Variants in F10 observed in about 807,000 individuals in gnomAD.
F10 encodes coagulation factor X.
F10 carries 29 observed loss-of-function variants against 37.1 expected under a neutral mutation model. That is an observed-to-expected ratio of 0.78 (90% CI 0.58 to 1.07). The LOEUF is 1.07. F10 is among the 50% of genes least tolerant of loss of function. The pLI is 0.00. For synonymous variants in F10, 262 were observed against 268.6 expected, an observed-to-expected ratio of 0.98 and a Z score of 0.24; for missense variants, 539 against 667.9, an observed-to-expected ratio of 0.81 and a Z score of 2.13.
intron 1 of F10, among the ~76,000 whole-genome samples, chr13:113,127,815 CATAACAAAGAGCA>C (rs2036384708): frequency 6.6e-6 from 1 of 152,168 alleles, no homozygotes; most frequent in South Asian, 2.1e-4. Context: ...CCAATCCCCA[CATAACAAAGAGCA>C]GAGACCTTAA....
At position 113,143,941 on chromosome 13, in the gene F10, T is replaced by A. The variant is rs1277723074; in HGVS notation, c.593T>A (p.Ile198Asn). The change falls in exon 6 of 8, where the codon ATC (isoleucine) becomes AAC (asparagine). Residue 198 changes from isoleucine to asparagine, a missense_variant. By Grantham distance (149) the Ile-to-Asn change is moderately radical (BLOSUM62 -3). Transcript: ENST00000375559. The surrounding 1 kb of genome is among the most constrained non-coding windows in gnomAD (Gnocchi z 6.8). ...AGCAGCGGGGAGGCCCCTGACAGCA[T>A]CACATGGAAGCCATATGATGCAGCC... ...TSSSGEAPDS[I>N]TWKPYDAADL... is the part of the protein sequence containing the mutation. The A allele has an allele frequency of 1.9e-6, 3 of 1,613,020 alleles. No homozygotes were observed. The highest frequency in any genetic ancestry group is 1.3e-5 in the African/African-American group (1 of 74,752).
chr13:113,137,234 A>C (rs899848941), intron 2 of F10, among the ~76,000 whole-genome samples: 7 of 152,244 alleles, frequency 4.6e-5, no homozygotes, highest in African/African-American at 1.7e-4. Flanking sequence ...ATTGAATGAA[A>C]AGCTAGTTTC....
chr13:113,140,221 C>T (rs950123198), intron 4 of F10, among the ~76,000 whole-genome samples: 8 of 152,014 alleles, frequency 5.3e-5, no homozygotes, highest in Admixed American at 1.3e-4. Context: ...CTATAGGCCC[C>T]GGCCACCAGT....
intron 1 of F10, among the ~76,000 whole-genome samples, chr13:113,124,466 G>C (rs1198451245): frequency 6.6e-6 from 1 of 152,216 alleles, no homozygotes; most frequent in East Asian, 1.9e-4. Flanking sequence ...GGGCCGGCCT[G>C]GACCCTGGGT....
intron 1 of F10, among the ~76,000 whole-genome samples, chr13:113,124,493 G>A (rs563815118): frequency 2.6e-5 from 4 of 152,332 alleles, no homozygotes; most frequent in Admixed American, 6.5e-5. Flanking sequence ...GGCCAGCCCC[G>A]GAGAGCCAGG....
intron 2 of F10, among the ~76,000 whole-genome samples, chr13:113,133,814 A>G (rs1440455086): frequency 6.6e-6 from 1 of 152,240 alleles, no homozygotes; most frequent in Non-Finnish European, 1.5e-5. Flanking sequence ...TATTTTTAAA[A>G]GAGTAATAAT....
At position 113,129,566 on chromosome 13, in the gene F10, G is replaced by C. The variant is rs746726549; in HGVS notation, c.185G>C (p.Cys62Ser). ...GAAAGAGAGTGCATGGAAGAGACCTGCTCATACGAAGAGGCCCGCGAGGTC... is the reference window on the plus strand; with the variant it reads ...GAAAGAGAGTGCATGGAAGAGACCTCCTCATACGAAGAGGCCCGCGAGGTC... ...HLERECMEET[C>S]SYEEAREVFE... The change falls in exon 2 of 8, where the codon TGC (cysteine) becomes TCC (serine). Residue 62 changes from cysteine (C) to serine (S), a missense_variant. Cys to Ser is a moderately radical substitution (Grantham distance 112, BLOSUM62 -1). Around this residue, in one of 2 missense-constraint regions of F10, gnomAD observed 130 missense variants for 120.0 expected, o/e 1.08. Coordinates refer to ENST00000375559, the MANE Select transcript of F10 (RefSeq NM_000504.4). The C allele has an allele frequency of 2.5e-6, 4 of 1,614,240 alleles. No homozygotes were observed. The highest frequency in any genetic ancestry group is 1.7e-5 in the Admixed American group (1 of 60,032).
rs200826349 is a variant in F10 at position 113,149,458 on chromosome 13, G to A, written c.1408G>A (p.Gly470Ser). Reference protein sequence around the residue: ...KWIDRSMKTRGLPKAKSHAPE... With the variant: ...KWIDRSMKTRSLPKAKSHAPE... ...GATCGACAGGTCCATGAAAACCAGG[G>A]GCTTGCCCAAGGCCAAGAGCCATGC... is the stretch of plus-strand genomic sequence containing the variant. Residue 470 changes from glycine (G) to serine (S), a missense_variant, in exon 8 of 8, where the codon GGC becomes AGC. Gly to Ser is a moderately conservative substitution (Grantham distance 56, BLOSUM62 0). This residue lies in a region of F10 where 409 missense variants were observed against 547.9 expected (regional missense o/e 0.75). Coordinates refer to ENST00000375559, the MANE Select transcript of F10 (RefSeq NM_000504.4). This position sits in a 1 kb window ranked among gnomAD's most constrained non-coding sequence, Gnocchi z 7.5. 102 of 1,613,274 alleles carry A rather than the reference G, an allele frequency of 6.3e-5. No homozygotes were observed. Among genetic ancestry groups the A allele is most frequent in the Non-Finnish European group, 8.6e-5 (101 of 1,180,022 alleles).
chr13:113,133,257 AAT>A (rs2036449877), intron 2 of F10, among the ~76,000 whole-genome samples: 2 of 152,146 alleles, frequency 1.3e-5, no homozygotes, highest in South Asian at 4.1e-4. Flanking sequence ...AAACAAAAAT[AAT>A]AGACAAAATT....
At chr13:113,123,475 C>G (rs529492042) in intron 1 of F10, among the ~76,000 whole-genome samples, 1 of 152,172 alleles carries the variant, frequency 6.6e-6, no homozygotes, top group Non-Finnish European at 1.5e-5. Flanking sequence ...CCAGGACCCC[C>G]GGGTCTGTCC....
At chr13:113,128,312 A>G (rs946164138) in intron 1 of F10, 3 of 152,250 alleles carry the variant, frequency 2.0e-5, no homozygotes, top group Non-Finnish European at 4.4e-5. Context: ...ATCAATAAGC[A>G]TAAGTTGTAC....
At chr13:113,140,250 T>C (rs1313334767) in intron 4 of F10, among the ~76,000 whole-genome samples, 1 of 151,962 alleles carries the variant, frequency 6.6e-6, no homozygotes, top group East Asian at 1.9e-4. Flanking sequence ...ATTTTTTTTT[T>C]TTTTAATTTT....
chr13:113,148,800 A>C (rs1439913429), intron 7 of F10, 116 bp from the exon 8 acceptor site: 156 of 1,497,008 alleles, frequency 1.0e-4, no homozygotes, highest in Non-Finnish European at 1.4e-4. Context: ...AATTTTCAAA[A>C]GTGATCACGT....
rs1391145233 is a variant in F10, at chr13:113,149,160, G to A, written c.1110G>A (p.Lys370=). 1.9e-6 allele frequency: 3 copies of A among 1,612,924 alleles called. No homozygotes were observed. Among genetic ancestry groups the A allele is most frequent in the African/African-American group, 1.3e-5 (1 of 74,932 alleles). ...IVSGFGRTHE[K]GRQSTRLKML... is the part of the protein sequence containing the mutation. Reference sequence around the variant, plus strand: ...GCGGCTTCGGGCGCACCCACGAGAAGGGCCGGCAGTCCACCAGGCTCAAGA... The same window carrying A: ...GCGGCTTCGGGCGCACCCACGAGAAAGGCCGGCAGTCCACCAGGCTCAAGA... Residue 370 remains lysine (K), a synonymous_variant, in exon 8 of 8, where the codon AAG becomes AAA. Transcript: ENST00000375559. This position sits in a 1 kb window ranked among gnomAD's most constrained non-coding sequence, Gnocchi z 7.5.
chr13:113,143,923 G>A lies in F10; in HGVS notation c.575G>A (p.Gly192Glu). The change falls in exon 6 of 8, where the codon GGG becomes GAG. Residue 192 changes from glycine to glutamate, a missense_variant. By Grantham distance (98) the Gly-to-Glu change is moderately conservative. Around this residue, in one of 2 missense-constraint regions of F10, gnomAD observed 409 missense variants for 547.9 expected, o/e 0.75. Coordinates refer to ENST00000375559, the MANE Select transcript of F10 (RefSeq NM_000504.4). This position sits in a 1 kb window ranked among gnomAD's most constrained non-coding sequence, Gnocchi z 6.8. ...RSVAQATSSS[G>E]EAPDSITWKP... ...GTGGCCCAGGCCACCAGCAGCAGCG[G>A]GGAGGCCCCTGACAGCATCACATGG... 6.2e-7 allele frequency: 1 copy of A among 1,613,466 alleles called. No homozygotes were observed. Among genetic ancestry groups the A allele is most frequent in the Non-Finnish European group, 8.5e-7 (1 of 1,179,982 alleles).
At chr13:113,133,633 C>G (rs968308307) in intron 2 of F10, among the ~76,000 whole-genome samples, 1 of 152,174 alleles carries the variant, frequency 6.6e-6, no homozygotes, top group Admixed American at 6.5e-5. Flanking sequence ...TTCTATACAA[C>G]TCTTCCAGAA....
In F10 at chr13:113,141,438, G is replaced by A. The variant is rs1005050648; in HGVS notation, c.502+388G>A. Among the ~76,000 whole-genome samples the A allele has an allele frequency of 1.1e-4, 16 of 152,234 alleles. No homozygotes were observed. Among genetic ancestry groups the A allele is most frequent in the African/African-American group, 3.9e-4 (16 of 41,464 alleles). ...TGCAAGGGCTCAAAGCACCAGGGCA[G>A]GCAAAGGGCAGAGCTGGCCCGAGGA... is the stretch of plus-strand genomic sequence containing the variant. On this transcript the variant is annotated intron_variant, in intron 5 of 7. Coordinates refer to ENST00000375559, the MANE Select transcript of F10 (RefSeq NM_000504.4). This position sits in a 1 kb window ranked among gnomAD's most constrained non-coding sequence, Gnocchi z 5.4.
intron 2 of F10, chr13:113,132,027 A>G (rs942933430): frequency 6.6e-6 from 1 of 152,298 alleles, no homozygotes; most frequent in Non-Finnish European, 1.5e-5. Context: ...AATACAATGG[A>G]AAGCGCAACA....
chr13:113,129,564 C>G lies in F10; in HGVS notation c.183C>G (p.Thr61=), dbSNP rs779647178. The change falls in exon 2 of 8, where the codon ACC becomes ACG. Residue 61 remains threonine, a synonymous_variant. Transcript: ENST00000375559. The part of the protein sequence containing the change: ...GHLERECMEE[T]CSYEEAREVF... Reference sequence around the variant, plus strand: ...TCGAAAGAGAGTGCATGGAAGAGACCTGCTCATACGAAGAGGCCCGCGAGG... The same window carrying G: ...TCGAAAGAGAGTGCATGGAAGAGACGTGCTCATACGAAGAGGCCCGCGAGG... The G allele has an allele frequency of 6.7e-5, 108 of 1,614,074 alleles. No homozygotes were observed. The highest frequency in any genetic ancestry group is 8.4e-5 in the Non-Finnish European group (99 of 1,180,044).
Sources: gnomAD v4.1 joint callset for allele counts (sites outside exome capture counted in the v4.1 genomes callset) on GRCh38, gnomAD v4.1.1 for gene constraint, gnomAD v4.1.1 regional missense constraint, Gnocchi (gnomAD v3.1) non-coding constraint, MANE v1.5 for transcripts, NCBI Gene and HGNC (gene_info 2026-07-23, HGNC 2026-07-21) for gene names.